The following KLF7 variants were observed in gnomAD, a reference collection of about 807,000 sequenced individuals.
The protein encoded by KLF7 is Krueppel-like factor 7.
KLF7 carries 2 observed loss-of-function variants against 27.3 expected under a neutral mutation model. The observed-to-expected ratio is 0.07, with a 90% CI of 0.03 to 0.23. KLF7 has a LOEUF of 0.23. Ranked by LOEUF, KLF7 falls within the 10% of genes least tolerant of loss-of-function variation. The pLI is 1.00. For missense variants in KLF7, 221 were observed against 394.1 expected, an observed-to-expected ratio of 0.56 and a Z score of 3.72; for synonymous variants, 165 against 162.4, an observed-to-expected ratio of 1.02 and a Z score of -0.12.
chr2:207,156,296 G>C (rs180933867), intron 1 of KLF7, among the ~76,000 whole-genome samples: 9 of 152,330 alleles, frequency 5.9e-5, no homozygotes, highest in Admixed American at 5.2e-4. Context: ...GGGTGTGAAG[G>C]CAGCCTCCTT....
rs563369566 is a variant in KLF7, at chr2:207,123,704, G to A, written c.733+70C>T. 5.1e-4 allele frequency: 780 copies of A among 1,515,042 alleles called. 7 individuals carry two copies. The South Asian group carries it at 9.3e-3, about 18-fold the overall frequency. 93.8% of individuals were successfully genotyped at this position (1,515,042 alleles called of 1,614,324 possible). On this transcript the variant is annotated intron_variant, in intron 2 of 3. Transcript: ENST00000309446. Reference sequence around the variant, plus strand: ...GGGTGCCACTCCTCAGAACAAAGAGGAGCCCTCCCACATGACGAGGCTACA... The same window carrying A: ...GGGTGCCACTCCTCAGAACAAAGAGAAGCCCTCCCACATGACGAGGCTACA...
chr2:207,163,795 A>G (rs1403140988), intron 1 of KLF7, among the ~76,000 whole-genome samples: 1 of 152,208 alleles, frequency 6.6e-6, no homozygotes, highest in African/African-American at 2.4e-5. Flanking sequence ...CCGATTCCAT[A>G]CCAGTGGGCT....
rs1388377369 is a variant in KLF7 at position 207,077,656 on chromosome 2, C to T, written c.*3557G>A. The T allele has an allele frequency of 1.3e-5, 2 of 152,104 alleles. No individual in the cohort carries two copies. The highest frequency in any genetic ancestry group is 2.9e-5 in the Non-Finnish European group (2 of 68,034). 9.4% of individuals were successfully genotyped at this position (152,104 alleles called of 1,614,324 possible). A position where few individuals can be genotyped will look rare whatever the true frequency, so the allele number is the denominator to read the frequency against. ...TTTTTCTGGACATAATACTCATTACCACCAGGCATTGAGCTGAGCCATTAA... is the reference window on the plus strand; with the variant it reads ...TTTTTCTGGACATAATACTCATTACTACCAGGCATTGAGCTGAGCCATTAA... On this transcript the variant is annotated 3_prime_UTR_variant, in exon 4 of 4. Coordinates refer to ENST00000309446, the MANE Select transcript of KLF7 (RefSeq NM_003709.4).
chr2:207,127,266 G>C (rs1280652758), intron 1 of KLF7, among the ~76,000 whole-genome samples: 1 of 152,116 alleles, frequency 6.6e-6, no homozygotes, highest in Non-Finnish European at 1.5e-5. Flanking sequence ...AGAAGCATAA[G>C]TACCCATCGG....
At chr2:207,083,278 C>T (rs1419176360) in intron 3 of KLF7, among the ~76,000 whole-genome samples, 1 of 152,160 alleles carries the variant, frequency 6.6e-6, no homozygotes, top group Non-Finnish European at 1.5e-5. Flanking sequence ...TTGCCCACTG[C>T]CTGTTCTCTT....
chr2:207,146,998 C>T (rs1274907121), intron 1 of KLF7, among the ~76,000 whole-genome samples: 2 of 152,174 alleles, frequency 1.3e-5, no homozygotes, highest in East Asian at 1.9e-4. Context: ...TATGGGGAAG[C>T]TAAATTGAGA....
At chr2:207,087,055 C>G (rs1446224126) in intron 3 of KLF7, among the ~76,000 whole-genome samples, 1 of 152,176 alleles carries the variant, frequency 6.6e-6, no homozygotes, top group African/African-American at 2.4e-5. Context: ...GAGAAACTCT[C>G]CTGGAGCATA....
chr2:207,099,737 A>G (rs942152748), intron 2 of KLF7, among the ~76,000 whole-genome samples: 5 of 151,832 alleles, frequency 3.3e-5, no homozygotes, highest in Admixed American at 3.3e-4. Context: ...TTGATGATAT[A>G]AATACAGATG....
At chr2:207,173,630 A>C in the KLF7 span, 1 of 152,178 alleles carries the variant, frequency 6.6e-6, no homozygotes, top group African/African-American at 2.4e-5. Context: ...ATTTATTTTT[A>C]AATAAAATGC....
intron 1 of KLF7, among the ~76,000 whole-genome samples, chr2:207,129,978 TA>T (rs1490152951): frequency 6.6e-6 from 1 of 152,214 alleles, no homozygotes; most frequent in African/African-American, 2.4e-5. Context: ...GAGAACAATA[TA>T]AGACATTTGG....
chr2:207,167,043 G>C (rs779504814), upstream of KLF7: 18 of 1,095,194 alleles, frequency 1.6e-5, no homozygotes, highest in Non-Finnish European at 2.1e-5. Flanking sequence ...CCTGTTGCTC[G>C]ACTGTGCGTT....
chr2:207,134,175 T>TA, intron 1 of KLF7: 4 of 1,360,586 alleles, frequency 2.9e-6, no homozygotes, highest in East Asian at 2.5e-5. Flanking sequence ...TTTTTTTTTT[T>TA]AAAGCAAACT....
intron 2 of KLF7, among the ~76,000 whole-genome samples, chr2:207,114,646 C>A (rs2077129907): frequency 6.6e-6 from 1 of 152,184 alleles, no homozygotes; most frequent in South Asian, 2.1e-4. Context: ...GAACCACTCT[C>A]ATTTAACATT....
intron 3 of KLF7, among the ~76,000 whole-genome samples, chr2:207,086,503 T>C (rs1054589734): frequency 1.3e-5 from 2 of 152,224 alleles, no homozygotes; most frequent in Non-Finnish European, 2.9e-5. Context: ...GCAGAATTTG[T>C]ACCATCTGCT....
intron 1 of KLF7, among the ~76,000 whole-genome samples, chr2:207,163,006 A>G (rs987627215): frequency 1.3e-5 from 2 of 152,206 alleles, no homozygotes; most frequent in Non-Finnish European, 2.9e-5. Flanking sequence ...TCATTATCCG[A>G]TAGTTGATTT....
At position 207,091,207 on chromosome 2, in the gene KLF7, G is replaced by T. The variant is rs188594150; in HGVS notation, c.734-2626C>A. 6.4e-4 allele frequency among the ~76,000 whole-genome samples: 97 copies of T among 152,304 alleles called. 1 individual carries two copies. The highest frequency in any genetic ancestry group is 2.3e-3 in the African/African-American group (94 of 41,562). ...TATTTTTTCCCATTTCAAACTGTTT[G>T]CTTTTCCCCTTGCTGAATTCCTTTA... On this transcript the variant is annotated intron_variant, in intron 2 of 3. Transcript: ENST00000309446.
chr2:207,163,624 G>C (rs138563724), intron 1 of KLF7, among the ~76,000 whole-genome samples: 1 of 152,300 alleles, frequency 6.6e-6, no homozygotes, highest in African/African-American at 2.4e-5. Context: ...CCAAAACAAA[G>C]TTGCATGATT....
intron 2 of KLF7, among the ~76,000 whole-genome samples, chr2:207,096,915 C>G (rs1481515090): frequency 1.3e-5 from 2 of 152,154 alleles, no homozygotes; most frequent in Non-Finnish European, 2.9e-5. Context: ...CATAAGCAGT[C>G]CTCTAGCAAC....
chr2:207,084,229 G>A (rs1394437508), intron 3 of KLF7, among the ~76,000 whole-genome samples: 3 of 152,130 alleles, frequency 2.0e-5, no homozygotes, highest in Non-Finnish European at 4.4e-5. Context: ...AGATGGTAAG[G>A]AGTGAAGAGA....
Sources: allele counts gnomAD v4.1 joint callset (sites outside exome capture counted in the v4.1 genomes callset), GRCh38; gene constraint gnomAD v4.1.1; transcripts MANE v1.5; gene names NCBI Gene and HGNC (gene_info 2026-07-23, HGNC 2026-07-21).